Variants in PHACTR1 observed in about 807,000 individuals in gnomAD.
PHACTR1 encodes RPEL repeat containing 1.
PHACTR1 carries 16 observed loss-of-function variants against 69.2 expected under a neutral mutation model. That is an observed-to-expected ratio of 0.23 (90% confidence interval 0.16 to 0.35). PHACTR1 has a LOEUF of 0.35. Among genes scored for constraint, PHACTR1 ranks in the 10% least tolerant of loss-of-function variants. The pLI is 1.00. For missense variants in PHACTR1, 510 were observed against 734.7 expected (o/e 0.69, Z 3.54); for synonymous variants, 312 against 284.5 (o/e 1.10, Z -0.97).
At position 13,107,482 on chromosome 6, in the gene PHACTR1, A is replaced by G. The variant is rs184234989; in HGVS notation, c.416-52722A>G. ...TTATTCTTTAATGTAGAATTCAGCA[A>G]AGAAGCCATCTGGACCTGGAGTATT... On this transcript the variant is annotated intron_variant, in intron 5 of 14. Transcript: ENST00000332995. Among the ~76,000 whole-genome samples, 819 of 152,322 alleles carry G rather than the reference A, an allele frequency of 5.4e-3. 10 individuals carry two copies. Among genetic ancestry groups the G allele is most frequent in the African/African-American group, 0.019 (787 of 41,572 alleles).
chr6:12,892,161 A>T (rs1561985308), intron 4 of PHACTR1, among the ~76,000 whole-genome samples: 1 of 86,516 alleles, frequency 1.2e-5, no homozygotes. Context: ...TTGTCTTGGG[A>T]TACCCAATGA....
At chr6:13,280,441 TC>T (rs1234969964) in intron 12 of PHACTR1, 1 of 156,490 alleles carries the variant, frequency 6.4e-6, no homozygotes, top group Non-Finnish European at 1.4e-5. Flanking sequence ...TGTGGCGCCT[TC>T]CGGCAGGTAG....
chr6:13,175,210 G>A (rs918667787), intron 6 of PHACTR1, among the ~76,000 whole-genome samples: 4 of 152,294 alleles, frequency 2.6e-5, no homozygotes, highest in East Asian at 1.9e-4. Context: ...GGTCTAAACC[G>A]TATGTCAGGC....
chr6:13,277,217 C>T (rs1158010547), intron 11 of PHACTR1, among the ~76,000 whole-genome samples: 1 of 152,168 alleles, frequency 6.6e-6, no homozygotes, highest in Non-Finnish European at 1.5e-5. Flanking sequence ...CTGCCCCCTA[C>T]CCCAGACTCT....
At chr6:13,085,936 A>G (rs913913031) in intron 5 of PHACTR1, among the ~76,000 whole-genome samples, 1 of 151,952 alleles carries the variant, frequency 6.6e-6, no homozygotes, top group Non-Finnish European at 1.5e-5. Context: ...AAAAGAAGAA[A>G]GATTGAAAAG....
At chr6:13,085,183 A>G (rs1171963574) in intron 5 of PHACTR1, among the ~76,000 whole-genome samples, 1 of 151,950 alleles carries the variant, frequency 6.6e-6, no homozygotes, top group East Asian at 1.9e-4. Context: ...CTAAACCTAA[A>G]TTTAAATTTG....
intron 4 of PHACTR1, among the ~76,000 whole-genome samples, chr6:12,991,581 A>C (rs537825945): frequency 1.3e-5 from 2 of 152,332 alleles, no homozygotes; most frequent in East Asian, 3.9e-4. Flanking sequence ...CCTGTCCTAC[A>C]TCATTTTCTT....
At chr6:12,945,751 G>A (rs1790597785) in intron 4 of PHACTR1, among the ~76,000 whole-genome samples, 1 of 151,956 alleles carries the variant, frequency 6.6e-6, no homozygotes, top group Non-Finnish European at 1.5e-5. Context: ...ATCACCTGAG[G>A]TCAGGAGTTC....
intron 10 of PHACTR1, among the ~76,000 whole-genome samples, chr6:13,251,907 T>A (rs1325950117): frequency 6.6e-6 from 1 of 150,770 alleles, no homozygotes; most frequent in African/African-American, 2.4e-5. Context: ...ATTTAAAAAT[T>A]AGCTGGGCAT....
chr6:12,857,905 A>C (rs1306653028), intron 4 of PHACTR1, among the ~76,000 whole-genome samples: 2 of 152,200 alleles, frequency 1.3e-5, no homozygotes, highest in Non-Finnish European at 2.9e-5. Context: ...AAAGTCGGGA[A>C]TTTACCACTT....
At chr6:12,929,121 C>A (rs889872464) in intron 4 of PHACTR1, among the ~76,000 whole-genome samples, 2 of 152,174 alleles carry the variant, frequency 1.3e-5, no homozygotes, top group African/African-American at 4.8e-5. Context: ...TGGGATGGCT[C>A]ACAGCCAATG....
At chr6:13,253,242 G>A (rs943660046) in intron 10 of PHACTR1, among the ~76,000 whole-genome samples, 14 of 152,164 alleles carry the variant, frequency 9.2e-5, no homozygotes, top group African/African-American at 2.9e-4. Context: ...AGGAATCCAC[G>A]TGTTGCAGTC....
chr6:12,970,663 C>T (rs926676548), intron 4 of PHACTR1, among the ~76,000 whole-genome samples: 4 of 152,126 alleles, frequency 2.6e-5, no homozygotes, highest in African/African-American at 4.8e-5. Flanking sequence ...GGCTGAGGCA[C>T]GAGCATCGTT....
intron 5 of PHACTR1, among the ~76,000 whole-genome samples, chr6:13,139,864 C>T (rs1822159178): frequency 6.6e-6 from 1 of 152,088 alleles, no homozygotes; most frequent in Non-Finnish European, 1.5e-5. Context: ...TTCCTCCTAA[C>T]TTACTCATGC....
At position 13,028,138 on chromosome 6, in the gene PHACTR1, TTTTG is replaced by T. The variant is rs199886347; in HGVS notation, c.251-25211_251-25208del. Among the ~76,000 whole-genome samples the T allele has an allele frequency of 3.7e-3, 561 of 152,298 alleles. 1 individual carries two copies. The highest frequency in any genetic ancestry group is 0.011 in the African/African-American group (451 of 41,564). ...CATTTTATCACACATATGTCTTGTT[TTTTG>T]TTTGTTTGTTTGTTTTGCAGAGTGC... On this transcript the variant is annotated intron_variant, in intron 4 of 14. Transcript: ENST00000332995.
chr6:13,033,508 C>T (rs766194778), intron 4 of PHACTR1, among the ~76,000 whole-genome samples: 5 of 152,076 alleles, frequency 3.3e-5, no homozygotes, highest in African/African-American at 1.2e-4. Context: ...TTGATTCCTT[C>T]GGTAAACAGC....
intron 5 of PHACTR1, among the ~76,000 whole-genome samples, chr6:13,135,441 C>A (rs1288339002): frequency 6.6e-6 from 1 of 152,236 alleles, no homozygotes; most frequent in Non-Finnish European, 1.5e-5. Flanking sequence ...TTCAGGTCAG[C>A]CCCAGTTCAT....
At chr6:12,823,452 C>G (rs1258793638) in intron 4 of PHACTR1, among the ~76,000 whole-genome samples, 1 of 152,020 alleles carries the variant, frequency 6.6e-6, no homozygotes, top group Non-Finnish European at 1.5e-5. Context: ...CAATAAGACT[C>G]GTGGAATTTT....
intron 4 of PHACTR1, among the ~76,000 whole-genome samples, chr6:12,962,928 C>T (rs1792934855): frequency 6.6e-6 from 1 of 152,186 alleles, no homozygotes; most frequent in Non-Finnish European, 1.5e-5. Flanking sequence ...CTCCATTCAG[C>T]ATGAACAGTG....
Sources: gnomAD v4.1 joint callset for allele counts (sites outside exome capture counted in the v4.1 genomes callset) on GRCh38, gnomAD v4.1.1 for gene constraint, MANE v1.5 for transcripts, NCBI Gene and HGNC (gene_info 2026-07-23, HGNC 2026-07-21) for gene names.